PHF6: variants seen among roughly 807,000 people sequenced by gnomAD.
The protein encoded by PHF6 is PHD finger protein 6.
Under a neutral mutation model 34.0 loss-of-function variants are expected in PHF6, and 7 were observed. The ratio of observed to expected loss-of-function variants is 0.21; its 90% confidence interval spans 0.12 to 0.39. The LOEUF (loss-of-function observed/expected upper bound fraction) is 0.39, where lower values mean the gene tolerates loss of function less well. PHF6 is among the 10% of genes least tolerant of loss of function. The pLI is 1.00. For synonymous variants in PHF6, 89 were observed against 88.4 expected (o/e 1.01, Z -0.04); for missense variants, 128 against 262.8 (o/e 0.49, Z 3.55).
chrX:134,377,845 A>C (rs2077285260), intron 2 of PHF6, 90 bp downstream of exon 2: 1 of 1,013,523 alleles, frequency 9.9e-7, no homozygotes, highest in Non-Finnish European at 1.4e-6. Flanking sequence ...AAAAAAAAAC[A>C]AAAACCAAAA....
At position 134,382,606 on chromosome X, in the gene PHF6, T is replaced by C. The variant is rs777267319; in HGVS notation, c.240+4500T>C. On this transcript the variant is annotated intron_variant, in intron 3 of 10. Transcript: ENST00000370803. ...TTTTTAAGATGGAGTTTCCCTCTTGTTGCCTAGGCTGGATTGCAGTGACAT... is the reference window on the plus strand; with the variant it reads ...TTTTTAAGATGGAGTTTCCCTCTTGCTGCCTAGGCTGGATTGCAGTGACAT... 1.5e-3 allele frequency among the ~76,000 whole-genome samples: 160 copies of C among 104,545 alleles called. 1 individual carries two copies. Among genetic ancestry groups the C allele is most frequent in the South Asian group, 5.6e-3 (12 of 2,149 alleles). 90.8% of individuals were successfully genotyped at this position (104,545 alleles called of 115,157 possible).
chrX:134,384,716 A>G lies in PHF6; in HGVS notation c.240+6610A>G, dbSNP rs1401609439. The stretch of plus-strand genomic sequence containing the variant: ...GCCCAGGCTGGAGTACAGTGGCACG[A>G]TCTCGGCTCACTTCAAGCTCTGCCT... On this transcript the variant is annotated intron_variant, in intron 3 of 10. Transcript: ENST00000370803. 2.0e-4 allele frequency among the ~76,000 whole-genome samples: 22 copies of G among 108,299 alleles called. 1 individual carries two copies. The highest frequency in any genetic ancestry group is 6.8e-4 in the African/African-American group (20 of 29,420). 94.0% of individuals were successfully genotyped at this position (108,299 alleles called of 115,157 possible).
intron 9 of PHF6, chrX:134,418,496 T>C (rs1202163353): frequency 1.8e-5 from 2 of 111,574 alleles, no homozygotes; most frequent in African/African-American, 6.5e-5. Context: ...TTCCTTACTC[T>C]CACATGCCTA....
At position 134,428,310 on chromosome X, in the gene PHF6, G is replaced by A; in HGVS notation, c.*2650G>A. The A allele has an allele frequency of 6.7e-6, 1 of 150,354 alleles. No individual in the cohort carries two copies. The highest frequency in any genetic ancestry group is 1.3e-5 in the Non-Finnish European group (1 of 76,632). The allele number at this position is 150,354 out of a possible 1,213,427, so 12.4% of individuals were successfully genotyped here. ...CTTTGTTCCTGGGGGAGGGGGGCAG[G>A]GGGTGAATTTTACTTTCATCTCAAG... On this transcript the variant is annotated 3_prime_UTR_variant, in exon 11 of 11. Transcript: ENST00000370803.
intron 9 of PHF6, among the ~76,000 whole-genome samples, chrX:134,424,561 G>A (rs2077501733): frequency 8.9e-6 from 1 of 112,076 alleles, no homozygotes; most frequent in African/African-American, 3.2e-5. Context: ...GACAAGTCCA[G>A]AATTTGCTAC....
chrX:134,373,663 A>G (rs760743474), intron 1 of PHF6, among the ~76,000 whole-genome samples, 196 bp downstream of exon 1: 1 of 111,498 alleles, frequency 9.0e-6, no homozygotes, highest in East Asian at 2.9e-4. Flanking sequence ...AGTGCTTTGG[A>G]GGTGCAGAAG....
At chrX:134,391,364 G>T (rs2077353968) in intron 3 of PHF6, among the ~76,000 whole-genome samples, 1 of 112,057 alleles carries the variant, frequency 8.9e-6, no homozygotes, top group African/African-American at 3.2e-5. Context: ...TTAATTGCTT[G>T]AGTGTGATTA....
At position 134,393,558 on chromosome X, in the gene PHF6, C is replaced by A; in HGVS notation, c.298C>A (p.His100Asn). The A allele has an allele frequency of 8.3e-7, 1 of 1,208,563 alleles. No individual in the cohort carries two copies. The highest frequency in any genetic ancestry group is 1.8e-5 in the South Asian group (1 of 56,865). The part of the protein sequence containing the change: ...ATIGCDVKTC[H>N]RTYHYHCALH... The stretch of plus-strand genomic sequence containing the variant: ...AATTGGTTGTGATGTGAAAACATGT[C>A]ACAGGACATACCACTACCACTGTGC... The change falls in exon 4 of 11, where the codon CAC (histidine) becomes AAC (asparagine). Residue 100 changes from histidine to asparagine, a missense_variant. Around this residue, in one of 3 missense-constraint regions of PHF6, gnomAD observed 97 missense variants for 152.9 expected, o/e 0.63. Transcript: ENST00000370803.
At chrX:134,423,270 T>C (rs1026058355) in intron 9 of PHF6, among the ~76,000 whole-genome samples, 2 of 112,263 alleles carry the variant, frequency 1.8e-5, no homozygotes, top group Non-Finnish European at 3.8e-5. Context: ...CCATTGCATT[T>C]GATATGTCTC....
Position 134,426,521 on chromosome X carries a change from G to A in PHF6, c.*861G>A, listed in dbSNP as rs41304498. The A allele has an allele frequency of 6.2e-4, 100 of 162,448 alleles. No homozygotes were observed. The highest frequency in any genetic ancestry group is 9.9e-4 in the Non-Finnish European group (83 of 83,734). The allele number at this position is 162,448 out of a possible 1,213,427, so 13.4% of individuals were successfully genotyped here. ...CACTTCACATATTGGCGCACAGTAC[G>A]TAAGGAGGTCTCATGTGCTGTAGGA... On this transcript the variant is annotated 3_prime_UTR_variant, in exon 11 of 11. Transcript: ENST00000370803.
chrX:134,386,520 C>G (rs981248422), intron 3 of PHF6, among the ~76,000 whole-genome samples: 29 of 110,022 alleles, frequency 2.6e-4, no homozygotes, highest in African/African-American at 9.3e-4. Context: ...AAGCGATTCT[C>G]CTGCCTCAGC....
intron 3 of PHF6, among the ~76,000 whole-genome samples, chrX:134,386,823 A>G (rs1384218270): frequency 4.5e-5 from 5 of 112,242 alleles, no homozygotes; most frequent in Non-Finnish European, 3.8e-5. Context: ...TTTGTAAGCT[A>G]TGTGGTCTCA....
intron 9 of PHF6, among the ~76,000 whole-genome samples, chrX:134,423,238 T>A (rs1476995623): frequency 8.9e-6 from 1 of 112,201 alleles, no homozygotes; most frequent in Non-Finnish European, 1.9e-5. Flanking sequence ...TTTGTTGAAA[T>A]CTGGATACAT....
chrX:134,392,986 G>A (rs1285051565), intron 3 of PHF6, among the ~76,000 whole-genome samples: 2 of 111,158 alleles, frequency 1.8e-5, no homozygotes, highest in Non-Finnish European at 3.8e-5. Flanking sequence ...TTTTAGTAGA[G>A]ATGGGGTTTC....
chrX:134,424,021 T>G (rs1447075840), intron 9 of PHF6, among the ~76,000 whole-genome samples: 1 of 108,163 alleles, frequency 9.2e-6, no homozygotes, highest in African/African-American at 3.4e-5. Context: ...AATGATGAGT[T>G]AACGGGTGCA....
intron 3 of PHF6, among the ~76,000 whole-genome samples, chrX:134,392,512 T>A (rs919938339): frequency 2.7e-5 from 3 of 112,198 alleles, no homozygotes; most frequent in African/African-American, 9.7e-5. Flanking sequence ...ATCCATTAAA[T>A]TCAAAAGGTA....
rs771413046 is a variant in PHF6 at position 134,426,523 on chromosome X, A to G, written c.*863A>G. ...CTTCACATATTGGCGCACAGTACGT[A>G]AGGAGGTCTCATGTGCTGTAGGAGT... On this transcript the variant is annotated 3_prime_UTR_variant, in exon 11 of 11. Coordinates refer to ENST00000370803, the MANE Select transcript of PHF6 (RefSeq NM_001015877.2). 1 of 162,596 alleles carries G rather than the reference A, an allele frequency of 6.2e-6. No individual in the cohort carries two copies. Among genetic ancestry groups the G allele is most frequent in the Non-Finnish European group, 1.2e-5 (1 of 83,868 alleles). 13.4% of individuals were successfully genotyped at this position (162,596 alleles called of 1,213,427 possible).
intron 5 of PHF6, among the ~76,000 whole-genome samples, chrX:134,399,878 C>T (rs1280348361): frequency 9.0e-6 from 1 of 111,126 alleles, no homozygotes; most frequent in Non-Finnish European, 1.9e-5. Context: ...CCTACCATTA[C>T]AGTATCATAC....
At chrX:134,418,786 A>T (rs1318531216) in intron 9 of PHF6, 1 of 110,951 alleles carries the variant, frequency 9.0e-6, no homozygotes, top group Non-Finnish European at 1.9e-5. Flanking sequence ...GTGGTACCAA[A>T]CCTAACAAAG....
Sources: gnomAD v4.1 joint callset for allele counts (sites outside exome capture counted in the v4.1 genomes callset) on GRCh38, gnomAD v4.1.1 for gene constraint, gnomAD v4.1.1 regional missense constraint, MANE v1.5 for transcripts, NCBI Gene and HGNC (gene_info 2026-07-23, HGNC 2026-07-21) for gene names.